BTBD17: variants seen among roughly 807,000 people sequenced by gnomAD.
BTBD17 encodes BTB domain containing 17, also known as BTB/POZ domain-containing protein 17.
A neutral mutation model predicts 36.9 loss-of-function variants in BTBD17; 26 were observed. That is an observed-to-expected ratio of 0.70 (90% confidence interval 0.52 to 0.98). The LOEUF (loss-of-function observed/expected upper bound fraction) is 0.98, where lower values mean the gene tolerates loss of function less well. Among genes scored for constraint, BTBD17 ranks in the 50% least tolerant of loss-of-function variants. BTBD17 has a pLI of 0.00. For synonymous variants in BTBD17, 341 were observed against 338.0 expected, an observed-to-expected ratio of 1.01 and a Z score of -0.10; for missense variants, 630 against 691.3, an observed-to-expected ratio of 0.91 and a Z score of 0.99.
In BTBD17 at chr17:74,356,656, G is replaced by A. The variant is rs2054891187; in HGVS notation, c.*1C>T. The A allele has an allele frequency of 4.0e-6, 6 of 1,517,284 alleles. No individual in the cohort carries two copies. Among genetic ancestry groups the A allele is most frequent in the Non-Finnish European group, 5.3e-6 (6 of 1,125,754 alleles). 94.0% of individuals were successfully genotyped at this position (1,517,284 alleles called of 1,614,324 possible). On this transcript the variant is annotated 3_prime_UTR_variant, in exon 3 of 3. Coordinates refer to ENST00000375366, the MANE Select transcript of BTBD17 (RefSeq NM_001080466.2). The surrounding 1 kb of genome is among the most constrained non-coding windows in gnomAD (Gnocchi z 4.3). ...CAGGCCTTTATTCCCAGACCCCGAGGCTACTTGGGGGTCCGGATAAGGGTG... is the reference window on the plus strand; with the variant it reads ...CAGGCCTTTATTCCCAGACCCCGAGACTACTTGGGGGTCCGGATAAGGGTG...
Position 74,356,829 on chromosome 17 carries a change from CG to C in BTBD17, c.1264del (p.Arg422AlafsTer64). The C allele has an allele frequency of 6.4e-7, 1 of 1,573,196 alleles. No individual in the cohort carries two copies. The highest frequency in any genetic ancestry group is 8.6e-7 in the Non-Finnish European group (1 of 1,165,288). ...GCTGTAGGCGTGGCGGACCAGCAGG[CG>C]GCCCTGCTGGCGCGCCCCCACCAGC... ...TVLVGARQQG[R>X]LLVRHAYSFH... On this transcript the variant is annotated frameshift_variant, in exon 3 of 3. Coordinates refer to ENST00000375366, the MANE Select transcript of BTBD17 (RefSeq NM_001080466.2). LOFTEE classifies it high-confidence loss of function. This position sits in a 1 kb window ranked among gnomAD's most constrained non-coding sequence, Gnocchi z 4.3.
chr17:74,362,965 C>CGTGTGTGTGT (rs112779081), upstream of BTBD17, among the ~76,000 whole-genome samples: 1,322 of 145,988 alleles, frequency 9.1e-3, 13 homozygotes, highest in East Asian at 0.014. Flanking sequence ...AGCGCGCGCG[C>CGTGTGTGTGT]ATGTGTGTGT....
At chr17:74,361,015 C>G (rs1249847593) in intron 1 of BTBD17, among the ~76,000 whole-genome samples, 1 of 152,158 alleles carries the variant, frequency 6.6e-6, no homozygotes, top group Non-Finnish European at 1.5e-5. Flanking sequence ...CCAGCCCTGC[C>G]CTCTTGGGTC....
rs2054910443 is a variant in BTBD17, at chr17:74,357,898, C to G, written c.363-167G>C. ...GCTTCCCATGTTTTCCTTTCAAGGA[C>G]CCTTCCAGGCCATTCTTACTTCACA... is the stretch of plus-strand genomic sequence containing the variant. On this transcript the variant is annotated intron_variant, in intron 2 of 2. Coordinates refer to ENST00000375366, the MANE Select transcript of BTBD17 (RefSeq NM_001080466.2). This position sits in a 1 kb window ranked among gnomAD's most constrained non-coding sequence, Gnocchi z 8.4. Among the ~76,000 whole-genome samples, 1 of 152,222 alleles carries G rather than the reference C, an allele frequency of 6.6e-6. No individual in the cohort carries two copies. Among genetic ancestry groups the G allele is most frequent in the Non-Finnish European group, 1.5e-5 (1 of 68,048 alleles).
chr17:74,361,235 C>T (rs778656875), intron 1 of BTBD17, among the ~76,000 whole-genome samples: 8 of 152,222 alleles, frequency 5.3e-5, no homozygotes, highest in South Asian at 2.1e-4. Flanking sequence ...TTTCCCAAGC[C>T]GAGAACAGCG....
At chr17:74,362,081 C>A, upstream of BTBD17, 1 of 436,822 alleles carries the variant, frequency 2.3e-6, no homozygotes, top group East Asian at 4.4e-5. Context: ...ATCCGGAACC[C>A]TCCTCCCCCA....
chr17:74,361,437 T>C (rs920986039), intron 1 of BTBD17, among the ~76,000 whole-genome samples: 2 of 152,114 alleles, frequency 1.3e-5, no homozygotes, highest in African/African-American at 4.8e-5. Flanking sequence ...GGGTAGTATG[T>C]TTCCCAGCAC....
Position 74,357,420 on chromosome 17 carries a change from T to C in BTBD17, c.674A>G (p.Gln225Arg), listed in dbSNP as rs1268526524. ...CGCGTGGAACAGCTCCAGTTCATCC[T>C]GCAGCACCAGGTCCGAGCGTTGCAG... ...QLLQRSDLVL[Q>R]DELELFHALE... The change falls in exon 3 of 3, where the codon CAG becomes CGG. Residue 225 changes from glutamine (Q) to arginine (R), a missense_variant. Gln to Arg is a conservative substitution (Grantham distance 43). Coordinates refer to ENST00000375366, the MANE Select transcript of BTBD17 (RefSeq NM_001080466.2). The surrounding 1 kb of genome is among the most constrained non-coding windows in gnomAD (Gnocchi z 8.4). The C allele has an allele frequency of 6.3e-7, 1 of 1,583,156 alleles. No individual in the cohort carries two copies. The highest frequency in any genetic ancestry group is 8.5e-7 in the Non-Finnish European group (1 of 1,173,034).
chr17:74,363,021 A>G (rs975199021), upstream of BTBD17, among the ~76,000 whole-genome samples: 19 of 151,924 alleles, frequency 1.3e-4, no homozygotes, highest in Admixed American at 1.2e-3. Flanking sequence ...TCACCTTTGC[A>G]GGGAGCCAGC....
rs1286828325 is a variant in BTBD17 at position 74,357,719 on chromosome 17, G to A, written c.375C>T (p.Cys125=). ...VFDKFIRYLY[C]GELTVLLTQA... is the part of the protein sequence containing the mutation. ...GGGTCAGCAGCACGGTCAGCTCCCC[G>A]CAGTACAGGTACCTGCGGGAGAGAC... is the stretch of plus-strand genomic sequence containing the variant. Residue 125 remains cysteine (C), a synonymous_variant, in exon 3 of 3, where the codon TGC becomes TGT. Transcript: ENST00000375366. The surrounding 1 kb of genome is among the most constrained non-coding windows in gnomAD (Gnocchi z 8.4). The A allele has an allele frequency of 2.6e-6, 4 of 1,541,348 alleles. No homozygotes were observed. The highest frequency in any genetic ancestry group is 3.5e-6 in the Non-Finnish European group (4 of 1,145,554).
intron 2 of BTBD17, among the ~76,000 whole-genome samples, chr17:74,359,283 A>T (rs539539883): frequency 6.6e-6 from 1 of 152,350 alleles, no homozygotes; most frequent in African/African-American, 2.4e-5. Context: ...AAAATAAAAA[A>T]TGATTGCTGG....
At position 74,360,018 on chromosome 17, in the gene BTBD17, C is replaced by T. The variant is rs759438005; in HGVS notation, c.313G>A (p.Val105Met). 6.2e-7 allele frequency: 1 copy of T among 1,612,484 alleles called. No individual in the cohort carries two copies. The highest frequency in any genetic ancestry group is 1.7e-5 in the Admixed American group (1 of 60,028). Residue 105 changes from valine to methionine, a missense_variant, in exon 2 of 3, where the codon GTG becomes ATG. Physicochemically the swap from Val to Met is conservative, Grantham distance 21. Coordinates refer to ENST00000375366, the MANE Select transcript of BTBD17 (RefSeq NM_001080466.2). ...GCGCAGTCCTGTGGCTCCTGCAGCA[C>T]CGCCTCGCTCTGGTTACTTAGCAGC... Reference protein sequence around the residue: ...LELLSNQSEAVLQEPQDCAAV... With the variant: ...LELLSNQSEAMLQEPQDCAAV...
chr17:74,362,982 G>A (rs1225134878), upstream of BTBD17, among the ~76,000 whole-genome samples: 4 of 151,882 alleles, frequency 2.6e-5, no homozygotes, highest in African/African-American at 9.7e-5. Context: ...GTGTGTGTGT[G>A]TGTGTGTAGG....
chr17:74,360,581 G>C (rs1406624579), intron 1 of BTBD17, among the ~76,000 whole-genome samples: 1 of 152,170 alleles, frequency 6.6e-6, no homozygotes, highest in Admixed American at 6.5e-5. Flanking sequence ...CCAGGCAAGG[G>C]TTGAGGAAAC....
Position 74,356,689 on chromosome 17 carries a change from C to A in BTBD17, c.1405G>T (p.Val469Leu). The A allele has an allele frequency of 6.4e-7, 1 of 1,572,618 alleles. No homozygotes were observed. Among genetic ancestry groups the A allele is most frequent in the South Asian group, 1.2e-5 (1 of 85,856 alleles). Residue 469 changes from valine (V) to leucine (L), a missense_variant, in exon 3 of 3, where the codon GTA becomes TTA. Val to Leu is a conservative substitution (Grantham distance 32, BLOSUM62 1). Coordinates refer to ENST00000375366, the MANE Select transcript of BTBD17 (RefSeq NM_001080466.2). The surrounding 1 kb of genome is among the most constrained non-coding windows in gnomAD (Gnocchi z 4.3). Reference protein sequence around the residue: ...ALHLHLIVKPVYHTLIRTPK With the variant: ...ALHLHLIVKPLYHTLIRTPK ...GGGGTCCGGATAAGGGTGTGGTATA[C>A]GGGCTTGACGATGAGGTGCAGGTGC...
Position 74,361,720 on chromosome 17 carries a change from C to T in BTBD17, c.85+15G>A, listed in dbSNP as rs2054940492. 6.2e-7 allele frequency: 1 copy of T among 1,609,278 alleles called. No individual in the cohort carries two copies. Among genetic ancestry groups the T allele is most frequent in the African/African-American group, 1.3e-5 (1 of 74,956 alleles). On this transcript the variant is annotated intron_variant, in intron 1 of 2. Coordinates refer to ENST00000375366, the MANE Select transcript of BTBD17 (RefSeq NM_001080466.2). ...CGCTCCACCCTGCCCCGCACCTGGC[C>T]CACTGCCCGCTCACCTGCATGGGTG...
intron 2 of BTBD17, among the ~76,000 whole-genome samples, chr17:74,358,572 C>T (rs1374419693): frequency 6.7e-6 from 1 of 148,260 alleles, no homozygotes; most frequent in Non-Finnish European, 1.5e-5. Context: ...CCACCTTGGC[C>T]TCTCAAAGTG....
rs759644128 is a variant in BTBD17, at chr17:74,356,969, G to A, written c.1125C>T (p.Asp375=). 2.1e-6 allele frequency: 3 copies of A among 1,445,146 alleles called. No individual in the cohort carries two copies. The highest frequency in any genetic ancestry group is 2.9e-5 in the Admixed American group (1 of 34,458). 89.5% of individuals were successfully genotyped at this position (1,445,146 alleles called of 1,614,324 possible). A position where few individuals can be genotyped will look rare whatever the true frequency, so the allele number is the denominator to read the frequency against. ...CGGCGGGCAGAGCAGTGCCCGCGGC[G>A]TCCGCGTAAACGGGCCGCAGGCTGA... ...LPVSLRPVYA[D]AAGTALPAAR... Residue 375 remains aspartate (D), a synonymous_variant, in exon 3 of 3, where the codon GAC becomes GAT. Coordinates refer to ENST00000375366, the MANE Select transcript of BTBD17 (RefSeq NM_001080466.2). The surrounding 1 kb of genome is among the most constrained non-coding windows in gnomAD (Gnocchi z 4.3).
At position 74,357,200 on chromosome 17, in the gene BTBD17, C is replaced by T. The variant is rs1405707300; in HGVS notation, c.894G>A (p.Leu298=). The part of the protein sequence containing the change: ...QAYQFHAASP[L]HYAKFFDVNG... ...TGACGTCGAAGAACTTGGCGTAGTG[C>T]AGCGGCGACGCGGCGTGGAACTGGT... is the stretch of plus-strand genomic sequence containing the variant. Residue 298 remains leucine, a synonymous_variant, in exon 3 of 3, where the codon CTG becomes CTA. Transcript: ENST00000375366. The surrounding 1 kb of genome is among the most constrained non-coding windows in gnomAD (Gnocchi z 8.4). The T allele has an allele frequency of 1.3e-6, 2 of 1,573,752 alleles. No homozygotes were observed. Among genetic ancestry groups the T allele is most frequent in the South Asian group, 2.3e-5 (2 of 86,192 alleles).
Sources: gnomAD v4.1 joint callset for allele counts (sites outside exome capture counted in the v4.1 genomes callset) on GRCh38, gnomAD v4.1.1 for gene constraint, Gnocchi (gnomAD v3.1) non-coding constraint, MANE v1.5 for transcripts, NCBI Gene and HGNC (gene_info 2026-07-23, HGNC 2026-07-21) for gene names.